Variants in THBS4 observed in about 807,000 individuals in gnomAD.
The protein encoded by THBS4 is thrombospondin-4.
In THBS4, 90 loss-of-function variants were observed where a neutral mutation model predicts 115.7. The ratio of observed to expected loss-of-function variants is 0.78; its 90% CI spans 0.66 to 0.93. The LOEUF (loss-of-function observed/expected upper bound fraction) is 0.93, where lower values mean the gene tolerates loss of function less well. Among genes scored for constraint, THBS4 ranks in the 40% least tolerant of loss-of-function variants. THBS4 has a pLI of 0.00. For missense variants in THBS4, 1,087 were observed against 1,232.7 expected, an observed-to-expected ratio of 0.88 and a Z score of 1.77; for synonymous variants, 460 against 479.3, an observed-to-expected ratio of 0.96 and a Z score of 0.53.
intron 8 of THBS4, 128 bp downstream of exon 8, chr5:80,061,960 A>C: frequency 9.6e-7 from 1 of 1,043,610 alleles, no homozygotes; most frequent in Non-Finnish European, 1.3e-6. Flanking sequence ...CATGGTGCAA[A>C]ATGAGCAAAT....
At position 80,076,710 on chromosome 5, in the gene THBS4, C is replaced by T. The variant is rs113526081; in HGVS notation, c.1893-145C>T. On this transcript the variant is annotated intron_variant, in intron 15 of 21. Coordinates refer to ENST00000350881, the MANE Select transcript of THBS4 (RefSeq NM_003248.6). ...TCTGAGGCCCATAGGGCAGCCTTAT[C>T]TAAGGGAATGACCCCAGTGGGTTTG... The T allele has an allele frequency of 1.4e-4, 101 of 735,782 alleles. No homozygotes were observed. The African/African-American group carries it at 1.7e-3, about 12-fold the overall frequency. 45.6% of individuals were successfully genotyped at this position (735,782 alleles called of 1,614,324 possible).
intron 19 of THBS4, 67 bp downstream of exon 19, chr5:80,079,325 G>T: frequency 6.8e-7 from 1 of 1,479,622 alleles, no homozygotes. Flanking sequence ...CAGATATTGT[G>T]TTTTCCCATG....
intron 1 of THBS4, among the ~76,000 whole-genome samples, chr5:79,992,207 G>A (rs921418791): frequency 6.6e-6 from 1 of 152,132 alleles, no homozygotes. Flanking sequence ...AGGAAATTTT[G>A]GTCTTGGAAA....
intron 2 of THBS4, among the ~76,000 whole-genome samples, chr5:80,001,434 A>G (rs567927095): frequency 6.6e-6 from 1 of 152,234 alleles, no homozygotes; most frequent in Non-Finnish European, 1.5e-5. Context: ...TGATACCAAG[A>G]TCAATCAGAT....
At chr5:80,009,795 A>C (rs535515948) in intron 2 of THBS4, among the ~76,000 whole-genome samples, 2 of 152,266 alleles carry the variant, frequency 1.3e-5, no homozygotes, top group African/African-American at 4.8e-5. Flanking sequence ...TTCTCACTAA[A>C]TTTAGGGGCC....
At chr5:79,993,014 T>G (rs192729279) in intron 1 of THBS4, among the ~76,000 whole-genome samples, 157 of 152,302 alleles carry the variant, frequency 1.0e-3, no homozygotes, top group African/African-American at 3.7e-3. Flanking sequence ...ATTCAGGCAT[T>G]TAAAACAATC....
intron 2 of THBS4, among the ~76,000 whole-genome samples, chr5:80,049,834 A>G (rs1017982849): frequency 2.6e-5 from 4 of 152,208 alleles, no homozygotes; most frequent in African/African-American, 9.7e-5. Flanking sequence ...TGAGGAGGCA[A>G]TAACGATCAG....
At chr5:80,001,905 A>G (rs765509432) in intron 2 of THBS4, among the ~76,000 whole-genome samples, 9 of 152,350 alleles carry the variant, frequency 5.9e-5, no homozygotes, top group Middle Eastern at 6.8e-3. Context: ...CATGATTTTT[A>G]CATTAAACCA....
intron 2 of THBS4, among the ~76,000 whole-genome samples, chr5:80,013,192 T>C (rs1477789108): frequency 6.6e-6 from 1 of 152,160 alleles, no homozygotes; most frequent in East Asian, 1.9e-4. Flanking sequence ...CAGGCTGGAG[T>C]GCAATGGCGC....
At chr5:80,031,982 G>C (rs1180532208), upstream of THBS4, among the ~76,000 whole-genome samples, 2 of 152,084 alleles carry the variant, frequency 1.3e-5, no homozygotes, top group East Asian at 3.9e-4. Flanking sequence ...ACTGTACTTG[G>C]AATTAGAGTT....
intron 2 of THBS4, among the ~76,000 whole-genome samples, chr5:80,025,037 T>C (rs1053253986): frequency 6.6e-6 from 1 of 152,118 alleles, no homozygotes; most frequent in African/African-American, 2.4e-5. Context: ...AAAAAATTGG[T>C]GCGTTATAAT....
Position 80,008,763 on chromosome 5 carries a change from C to T in THBS4, n.177+10336C>T, listed in dbSNP as rs185588955. ...CGCCTCTACCACCAGATGCCAGTAG[C>T]ATACCCTGGTTGTGACAACCAAAAA... On this transcript the variant is annotated intron_variant and non_coding_transcript_variant, in intron 2 of 3. Coordinates refer to the THBS4 transcript ENST00000510218. 5.8e-3 allele frequency among the ~76,000 whole-genome samples: 888 copies of T among 152,258 alleles called. 8 individuals are homozygous for T. Among genetic ancestry groups the T allele is most frequent in the African/African-American group, 0.019 (798 of 41,544 alleles).
intron 2 of THBS4, among the ~76,000 whole-genome samples, chr5:80,011,030 G>T (rs1027797340): frequency 3.3e-5 from 5 of 152,182 alleles, no homozygotes; most frequent in Admixed American, 3.3e-4. Context: ...CATGTGTTGT[G>T]GGAGAAATCC....
In THBS4 at chr5:80,076,948, G is replaced by A. The variant is rs750083743; in HGVS notation, c.1986G>A (p.Glu662=). The change falls in exon 16 of 22, where the codon GAG becomes GAA. Residue 662 remains glutamate, a synonymous_variant. Transcript: ENST00000350881. The part of the protein sequence containing the change: ...LDTDKDGIGD[E]CDDDDDNDGI... ...CCGATAAGGATGGAATTGGTGACGA[G>A]TGTGATGATGATGATGACAATGATG... 1 of 1,613,856 alleles carries A rather than the reference G, an allele frequency of 6.2e-7. No homozygotes were observed. Among genetic ancestry groups the A allele is most frequent in the Admixed American group, 1.7e-5 (1 of 60,000 alleles).
At position 80,068,027 on chromosome 5, in the gene THBS4, G is replaced by A. The variant is rs1047367241; in HGVS notation, c.1249G>A (p.Gly417Arg). The A allele has an allele frequency of 6.2e-7, 1 of 1,614,192 alleles. No homozygotes were observed. Among genetic ancestry groups the A allele is most frequent in the Non-Finnish European group, 8.5e-7 (1 of 1,180,036 alleles). The change falls in exon 10 of 22, where the codon GGA becomes AGA. Residue 417 changes from glycine (G) to arginine (R), a missense_variant. By Grantham distance (125) the Gly-to-Arg change is moderately radical. This residue lies in a region of THBS4 where 979 missense variants were observed against 1,103.7 expected (regional missense o/e 0.89). Transcript: ENST00000350881. ...GGGGTATACTGGTGATCAGATAAGG[G>A]GATGCAAAGCGGAAAGAAACTGCAG... The part of the protein sequence containing the change: ...KPGYTGDQIR[G>R]CKAERNCRNP...
In THBS4 at chr5:80,035,615, C is replaced by T. The variant is rs3749684; in HGVS notation, c.78C>T (p.Ala26=). ...GGTGGCTAGCGGCAGGCGCCCAGGC[C>T]ACCCCCCAGGGTAAGTGGGTTCGGG... ...LQRWLAAGAQ[A]TPQVFDLLPS... The change falls in exon 1 of 22, where the codon GCC becomes GCT. Residue 26 remains alanine (A), a synonymous_variant. Transcript: ENST00000350881. This position sits in a 1 kb window ranked among gnomAD's most constrained non-coding sequence, Gnocchi z 4.6. 1.1e-3 allele frequency: 1,475 copies of T among 1,389,452 alleles called. 26 individuals carry two copies. The East Asian group carries it at 0.034, about 32-fold the overall frequency. 86.1% of individuals were successfully genotyped at this position (1,389,452 alleles called of 1,614,324 possible). A position where few individuals can be genotyped will look rare whatever the true frequency, so the allele number is the denominator to read the frequency against.
chr5:80,038,439 G>C (rs980495746), intron 1 of THBS4, among the ~76,000 whole-genome samples: 1 of 152,200 alleles, frequency 6.6e-6, no homozygotes, highest in Non-Finnish European at 1.5e-5. Context: ...ATTTAGCCAG[G>C]GTTGTAATAT....
At chr5:80,057,559 G>C (rs1413906549) in intron 3 of THBS4, among the ~76,000 whole-genome samples, 2 of 152,196 alleles carry the variant, frequency 1.3e-5, no homozygotes, top group African/African-American at 4.8e-5. Context: ...CCTTAGCTGT[G>C]CTCATTTCTA....
intron 16 of THBS4, 125 bp downstream of exon 16, chr5:80,077,173 A>C (rs1743260683): frequency 1.1e-6 from 1 of 893,272 alleles, no homozygotes; most frequent in South Asian, 2.1e-5. Flanking sequence ...GCTTCTCTAC[A>C]CCCAGCTTCT....
Sources: allele counts gnomAD v4.1 joint callset (sites outside exome capture counted in the v4.1 genomes callset), GRCh38; gene constraint gnomAD v4.1.1; regional missense constraint gnomAD v4.1.1; non-coding constraint Gnocchi (gnomAD v3.1); transcripts MANE v1.5; gene names NCBI Gene and HGNC (gene_info 2026-07-23, HGNC 2026-07-21).